EML1: variants seen among roughly 807,000 people sequenced by gnomAD.
The protein encoded by EML1 is echinoderm microtubule-associated protein-like 1.
A neutral mutation model predicts 110.4 loss-of-function variants in EML1; 27 were observed. The observed-to-expected ratio is 0.24, with a 90% CI of 0.18 to 0.34. EML1 has a LOEUF of 0.34. Ranked by LOEUF, EML1 falls within the 10% of genes least tolerant of loss-of-function variation. EML1 has a pLI of 1.00. For synonymous variants in EML1, 344 were observed against 385.8 expected (o/e 0.89, Z 1.27); for missense variants, 741 against 1,030.9 (o/e 0.72, Z 3.85).
chr14:99,897,013 T>G, intron 6 of EML1, 132 bp from the exon 7 acceptor site: 1 of 815,346 alleles, frequency 1.2e-6, no homozygotes, highest in Non-Finnish European at 1.7e-6. Context: ...ATATTTGCAA[T>G]TTAATGTTGT....
chr14:99,924,827 C>G (rs1230090816), intron 17 of EML1, among the ~76,000 whole-genome samples: 1 of 152,144 alleles, frequency 6.6e-6, no homozygotes, highest in Non-Finnish European at 1.5e-5. Flanking sequence ...TTTTCTGCAT[C>G]TGTTGGGATT....
In EML1 at chr14:99,811,142, G is replaced by T. The variant is rs149975424; in HGVS notation, c.67+17599G>T. ...TTAGGGGGTGCTGAGCCCTAGCACA[G>T]TTAAAAATTCATGTATAATAGGGGT... On this transcript the variant is annotated intron_variant, in intron 1 of 21. Transcript: ENST00000262233. Among the ~76,000 whole-genome samples, 41 of 151,920 alleles carry T rather than the reference G, an allele frequency of 2.7e-4. No homozygotes were observed. In the East Asian group the frequency reaches 4.2e-3, roughly 16 times the overall value.
chr14:99,809,911 A>T (rs2058046595), intron 1 of EML1, among the ~76,000 whole-genome samples: 1 of 152,212 alleles, frequency 6.6e-6, no homozygotes, highest in East Asian at 1.9e-4. Context: ...TCCGTTTTAA[A>T]GTCTGAATCT....
chr14:99,835,679 T>C (rs1460920197), intron 1 of EML1, among the ~76,000 whole-genome samples: 1 of 152,242 alleles, frequency 6.6e-6, no homozygotes, highest in Non-Finnish European at 1.5e-5. Context: ...CAGTTAGAAA[T>C]ACTTTCTAAT....
At chr14:99,751,121 A>G (rs1428481168) in intron 1 of EML1, among the ~76,000 whole-genome samples, 5 of 152,120 alleles carry the variant, frequency 3.3e-5, no homozygotes, top group African/African-American at 1.2e-4. Context: ...CCAAGCACCT[A>G]CTGCTAGCCA....
intron 2 of EML1, among the ~76,000 whole-genome samples, chr14:99,861,427 T>C (rs1008575324): frequency 2.0e-5 from 3 of 152,224 alleles, no homozygotes; most frequent in African/African-American, 7.2e-5. Flanking sequence ...TTGTTGGTAA[T>C]ATTTTAAGAG....
chr14:99,855,487 A>G (rs967324094), intron 2 of EML1, among the ~76,000 whole-genome samples: 6 of 152,186 alleles, frequency 3.9e-5, no homozygotes, highest in Non-Finnish European at 5.9e-5. Context: ...AATCCATTGT[A>G]TACACACACA....
At position 99,764,002 on chromosome 14, in the gene EML1, G is replaced by A. The variant is rs532019709; in HGVS notation, c.28+26142G>A. Among the ~76,000 whole-genome samples, 9 of 152,262 alleles carry A rather than the reference G, an allele frequency of 5.9e-5. No individual in the cohort carries two copies. The East Asian group carries it at 1.2e-3, about 20-fold the overall frequency. ...CCGCCCTTTTCTTCTTGCTAACACCGCCAGGCAGCCGAGGTCCCCAAGTGT... is the reference window on the plus strand; with the variant it reads ...CCGCCCTTTTCTTCTTGCTAACACCACCAGGCAGCCGAGGTCCCCAAGTGT... On this transcript the variant is annotated intron_variant, in intron 1 of 10. Transcript: ENST00000554479.
At chr14:99,809,327 T>C (rs964322283) in intron 1 of EML1, 3 of 159,458 alleles carry the variant, frequency 1.9e-5, no homozygotes, top group African/African-American at 7.2e-5. Context: ...AAGTGGCTTG[T>C]TTTTTATTTT....
chr14:99,806,964 G>C (rs887477517), intron 1 of EML1, among the ~76,000 whole-genome samples: 1 of 152,156 alleles, frequency 6.6e-6, no homozygotes, highest in African/African-American at 2.4e-5. Flanking sequence ...AGCAGATGCA[G>C]GACCCGGGAT....
intron 17 of EML1, among the ~76,000 whole-genome samples, chr14:99,926,749 CTT>C (rs1032537404): frequency 5.6e-5 from 8 of 142,010 alleles, no homozygotes; most frequent in Non-Finnish European, 9.3e-5. Flanking sequence ...CCAGCTCTGC[CTT>C]TTTTTTTTTT....
intron 1 of EML1, among the ~76,000 whole-genome samples, chr14:99,786,648 C>T (rs532314540): frequency 2.0e-5 from 3 of 152,296 alleles, no homozygotes; most frequent in South Asian, 4.1e-4. Flanking sequence ...TTCAAGTGCA[C>T]GGCACGTCTG....
At chr14:99,811,977 G>C (rs2058087948) in intron 1 of EML1, among the ~76,000 whole-genome samples, 1 of 151,922 alleles carries the variant, frequency 6.6e-6, no homozygotes, top group African/African-American at 2.4e-5. Flanking sequence ...GGTTGGTCTT[G>C]CTGTCTCAGA....
chr14:99,744,248 G>A (rs2057077850), intron 1 of EML1, among the ~76,000 whole-genome samples: 1 of 152,154 alleles, frequency 6.6e-6, no homozygotes, highest in Admixed American at 6.5e-5. Flanking sequence ...GACCACTGCA[G>A]GTCTGGTGAC....
intron 4 of EML1, among the ~76,000 whole-genome samples, chr14:99,884,356 C>G (rs2059438849): frequency 6.6e-6 from 1 of 152,236 alleles, no homozygotes; most frequent in Non-Finnish European, 1.5e-5. Flanking sequence ...TCACCTTGCT[C>G]TTTCAGTTTC....
chr14:99,797,069 T>C (rs10151491), intron 1 of EML1, among the ~76,000 whole-genome samples: 152,168 of 152,332 alleles, frequency 1, 76,003 homozygotes, highest in Middle Eastern at 1. Context: ...ACCTTTGCAT[T>C]ACTCCAGAAG....
chr14:99,937,117 ACACT>A lies in EML1; in HGVS notation c.2096-695_2096-692del, dbSNP rs575128541. Among the ~76,000 whole-genome samples the A allele has an allele frequency of 3.0e-4, 45 of 152,304 alleles. No individual in the cohort carries two copies. In the South Asian group the frequency reaches 9.1e-3, roughly 31 times the overall value. Reference sequence around the variant, plus strand: ...AAGAGCCCACGGGGGTGGGCGGGTCACACTCACTTGAGCGTCCCCACTTGTTGAG... The same window carrying A: ...AAGAGCCCACGGGGGTGGGCGGGTCACACTTGAGCGTCCCCACTTGTTGAG... On this transcript the variant is annotated intron_variant, in intron 19 of 21. Transcript: ENST00000262233.
intron 1 of EML1, among the ~76,000 whole-genome samples, chr14:99,763,614 G>A (rs139653541): frequency 6.6e-6 from 1 of 152,282 alleles, no homozygotes; most frequent in African/African-American, 2.4e-5. Flanking sequence ...GGAAGCATGA[G>A]GAGCACTTAG....
chr14:99,897,920 G>A (rs532754452), intron 7 of EML1, among the ~76,000 whole-genome samples: 1 of 152,252 alleles, frequency 6.6e-6, no homozygotes, highest in African/African-American at 2.4e-5. Context: ...TCCTATTTAT[G>A]TACTCAACAT....
Sources: gnomAD v4.1 joint callset for allele counts (sites outside exome capture counted in the v4.1 genomes callset) on GRCh38, gnomAD v4.1.1 for gene constraint, MANE v1.5 for transcripts, NCBI Gene and HGNC (gene_info 2026-07-23, HGNC 2026-07-21) for gene names.